The following CLDN16 variants were observed in gnomAD, a reference collection of about 807,000 sequenced individuals.
CLDN16 encodes the protein claudin 16, also known as claudin-16.
In CLDN16, 13 loss-of-function variants were observed where a neutral mutation model predicts 24.6. The observed-to-expected ratio is 0.53, with a 90% CI of 0.34 to 0.84. The LOEUF (loss-of-function observed/expected upper bound fraction) is 0.84, where lower values mean the gene tolerates loss of function less well. CLDN16 is among the 40% of genes least tolerant of loss of function. CLDN16 has a pLI of 0.01. For synonymous variants in CLDN16, 116 were observed against 106.7 expected, an observed-to-expected ratio of 1.09 and a Z score of -0.54; for missense variants, 298 against 292.7, an observed-to-expected ratio of 1.02 and a Z score of -0.13.
the CLDN16 span, among the ~76,000 whole-genome samples, chr3:190,303,214 G>A: frequency 3.3e-5 from 5 of 152,170 alleles, no homozygotes; most frequent in African/African-American, 1.2e-4. Context: ...CTTCCAGCAA[G>A]TATTCTCTGC....
the CLDN16 span, among the ~76,000 whole-genome samples, chr3:190,292,525 G>T: frequency 6.6e-6 from 1 of 152,148 alleles, no homozygotes; most frequent in African/African-American, 2.4e-5. Flanking sequence ...CATTGTCTTG[G>T]CTATTAATGT....
upstream of CLDN16, among the ~76,000 whole-genome samples, chr3:190,387,036 C>T (rs1248038744): frequency 6.6e-6 from 1 of 152,092 alleles, no homozygotes; most frequent in Non-Finnish European, 1.5e-5. Context: ...CTCTTTCTGG[C>T]CTTTTCTCTG....
chr3:190,364,998 T>C (rs1256570993), intron 1 of CLDN16, among the ~76,000 whole-genome samples: 1 of 151,862 alleles, frequency 6.6e-6, no homozygotes, highest in Non-Finnish European at 1.5e-5. Context: ...GGCTCAGATA[T>C]GAAAACTAGA....
the CLDN16 span, among the ~76,000 whole-genome samples, chr3:190,304,211 T>C: frequency 1.3e-5 from 2 of 152,178 alleles, no homozygotes; most frequent in Admixed American, 6.5e-5. Flanking sequence ...TGCATGGGTC[T>C]AAGGCCTTCA....
At chr3:190,340,345 A>G in intron 1 of CLDN16, among the ~76,000 whole-genome samples, 1 of 152,186 alleles carries the variant, frequency 6.6e-6, no homozygotes, top group East Asian at 1.9e-4. Context: ...GGTTTATTAG[A>G]CTTACAGTTC....
the CLDN16 span, among the ~76,000 whole-genome samples, chr3:190,311,276 G>A: frequency 6.6e-6 from 1 of 152,284 alleles, no homozygotes; most frequent in African/African-American, 2.4e-5. Context: ...CGTCTTCCAA[G>A]CACTTCATAC....
chr3:190,354,854 C>A (rs1348012533), intron 1 of CLDN16, among the ~76,000 whole-genome samples: 1 of 151,988 alleles, frequency 6.6e-6, no homozygotes, highest in South Asian at 2.1e-4. Flanking sequence ...TCCATTCCTG[C>A]CCTTTCTGAA....
At chr3:190,323,730 G>A (rs534686695) in intron 1 of CLDN16, among the ~76,000 whole-genome samples, 1 of 152,288 alleles carries the variant, frequency 6.6e-6, no homozygotes, top group East Asian at 1.9e-4. Context: ...TGGGAAGAAA[G>A]GCCAAGCCCC....
At chr3:190,351,780 A>C (rs1717676319) in intron 1 of CLDN16, among the ~76,000 whole-genome samples, 1 of 152,170 alleles carries the variant, frequency 6.6e-6, no homozygotes, top group Non-Finnish European at 1.5e-5. Context: ...CAAATATTGC[A>C]GTCAAAAAAT....
At chr3:190,386,658 C>T (rs1718504834), upstream of CLDN16, among the ~76,000 whole-genome samples, 4 of 152,106 alleles carry the variant, frequency 2.6e-5, no homozygotes, top group African/African-American at 9.7e-5. Context: ...GTAATTTTTG[C>T]AGACCATGAT....
intron 1 of CLDN16, among the ~76,000 whole-genome samples, chr3:190,389,033 A>T (rs1396310414): frequency 6.6e-6 from 1 of 152,214 alleles, no homozygotes; most frequent in Non-Finnish European, 1.5e-5. Flanking sequence ...ACAGGCATGG[A>T]TTTAAATCCT....
At chr3:190,367,953 T>G (rs1307352479) in intron 1 of CLDN16, among the ~76,000 whole-genome samples, 1 of 151,982 alleles carries the variant, frequency 6.6e-6, no homozygotes, top group Admixed American at 6.6e-5. Flanking sequence ...TTTCCTCCCT[T>G]TATCCTTTCC....
chr3:190,402,751 T>A (rs908907436), intron 2 of CLDN16, among the ~76,000 whole-genome samples: 5 of 152,130 alleles, frequency 3.3e-5, no homozygotes, highest in Non-Finnish European at 7.4e-5. Context: ...TTAATCGAAA[T>A]AAACTCTTTA....
intron 1 of CLDN16, among the ~76,000 whole-genome samples, chr3:190,322,990 G>A (rs1577394124): frequency 4.1e-5 from 4 of 97,956 alleles, no homozygotes; most frequent in Admixed American, 3.1e-4. Flanking sequence ...CAGACCCAGA[G>A]AGCAACATGA....
chr3:190,311,135 T>C, the CLDN16 span, among the ~76,000 whole-genome samples: 1 of 152,166 alleles, frequency 6.6e-6, no homozygotes, highest in African/African-American at 2.4e-5. Flanking sequence ...AAATAGACCA[T>C]GCGAATGGTC....
chr3:190,295,760 C>G, the CLDN16 span, among the ~76,000 whole-genome samples: 1 of 151,974 alleles, frequency 6.6e-6, no homozygotes, highest in African/African-American at 2.4e-5. Context: ...TTAGTCAGGA[C>G]TCTGTCTGAA....
At chr3:190,335,872 T>C (rs1717292843) in intron 1 of CLDN16, among the ~76,000 whole-genome samples, 2 of 152,162 alleles carry the variant, frequency 1.3e-5, no homozygotes, top group Non-Finnish European at 2.9e-5. Flanking sequence ...AAGCAGACTC[T>C]AAAGATTTAA....
upstream of CLDN16, among the ~76,000 whole-genome samples, chr3:190,385,570 A>ATTT (rs11398966): frequency 2.0e-5 from 3 of 150,638 alleles, no homozygotes; most frequent in African/African-American, 4.9e-5. Context: ...TATAGTCTAG[A>ATTT]TTTTTTTTTT....
At chr3:190,318,782 C>T (rs1716837901), upstream of CLDN16, among the ~76,000 whole-genome samples, 2 of 152,216 alleles carry the variant, frequency 1.3e-5, no homozygotes, top group African/African-American at 2.4e-5. Context: ...TAGGTGCCCT[C>T]CTCTCCACTT....
Sources: allele counts gnomAD v4.1 joint callset (sites outside exome capture counted in the v4.1 genomes callset), GRCh38; gene constraint gnomAD v4.1.1; transcripts MANE v1.5; gene names NCBI Gene and HGNC (gene_info 2026-07-23, HGNC 2026-07-21).